Variants in CPNE4 observed in about 807,000 individuals in gnomAD.
CPNE4 encodes the protein copine 4.
A neutral mutation model predicts 67.9 loss-of-function variants in CPNE4; 25 were observed. That is an observed-to-expected ratio of 0.37 (90% CI 0.27 to 0.51). The LOEUF (loss-of-function observed/expected upper bound fraction) is 0.51, where lower values mean the gene tolerates loss of function less well. Ranked by LOEUF, CPNE4 falls within the 20% of genes least tolerant of loss-of-function variation. The pLI is 0.93. For synonymous variants in CPNE4, 242 were observed against 244.9 expected (o/e 0.99, Z 0.11); for missense variants, 464 against 690.8 (o/e 0.67, Z 3.68).
chr3:131,862,717 T>TATA (rs2086740961), intron 2 of CPNE4, among the ~76,000 whole-genome samples: 2 of 134,788 alleles, frequency 1.5e-5, no homozygotes, highest in Non-Finnish European at 3.3e-5. Flanking sequence ...ATATATATAT[T>TATA]TTTATTATAC....
intron 15 of CPNE4, among the ~76,000 whole-genome samples, chr3:131,542,058 G>A (rs1214515232): frequency 6.6e-6 from 1 of 152,146 alleles, no homozygotes; most frequent in Admixed American, 6.5e-5. Context: ...TTTTATAGAG[G>A]ATTTAGGTTT....
At chr3:132,032,486 T>C (rs2107704849) in intron 1 of CPNE4, among the ~76,000 whole-genome samples, 1 of 152,374 alleles carries the variant, frequency 6.6e-6, no homozygotes, top group East Asian at 1.9e-4. Context: ...GTAATGTTAA[T>C]GGAAAAGTCA....
chr3:131,565,719 C>T (rs567250757), intron 10 of CPNE4, among the ~76,000 whole-genome samples: 24 of 150,130 alleles, frequency 1.6e-4, no homozygotes, highest in South Asian at 4.2e-4. Context: ...CAAAGAACTA[C>T]GTCAAAAATA....
At chr3:131,758,384 G>T (rs1485637285) in intron 2 of CPNE4, among the ~76,000 whole-genome samples, 4 of 152,150 alleles carry the variant, frequency 2.6e-5, no homozygotes, top group African/African-American at 9.7e-5. Context: ...CTGGTTTTTA[G>T]ACTTGCATGG....
chr3:131,932,099 G>C (rs1046411802), intron 1 of CPNE4, among the ~76,000 whole-genome samples: 1 of 152,186 alleles, frequency 6.6e-6, no homozygotes, highest in African/African-American at 2.4e-5. Flanking sequence ...GTGGCTAGCT[G>C]TGAATATCAG....
At chr3:131,634,646 C>T (rs182770677) in intron 7 of CPNE4, among the ~76,000 whole-genome samples, 2 of 152,138 alleles carry the variant, frequency 1.3e-5, no homozygotes, top group African/African-American at 4.8e-5. Context: ...CTTCAATATT[C>T]TCATTCTTGA....
At chr3:131,845,055 G>A (rs185146535) in intron 2 of CPNE4, among the ~76,000 whole-genome samples, 1 of 152,160 alleles carries the variant, frequency 6.6e-6, no homozygotes, top group Non-Finnish European at 1.5e-5. Flanking sequence ...GAGAGAAAAC[G>A]ATGACTTGTG....
At chr3:131,958,354 A>C (rs2072039774) in intron 1 of CPNE4, among the ~76,000 whole-genome samples, 2 of 152,126 alleles carry the variant, frequency 1.3e-5, no homozygotes, top group Admixed American at 1.3e-4. Flanking sequence ...CAATGGTCTC[A>C]GTGTGGTCCT....
chr3:131,847,914 T>C (rs2086066255), intron 2 of CPNE4, among the ~76,000 whole-genome samples: 2 of 152,142 alleles, frequency 1.3e-5, no homozygotes, highest in African/African-American at 2.4e-5. Context: ...AGTAGGTCTC[T>C]GACCTCAGTG....
chr3:131,683,892 G>A (rs943396420), intron 6 of CPNE4, among the ~76,000 whole-genome samples: 10 of 152,108 alleles, frequency 6.6e-5, no homozygotes, highest in African/African-American at 1.9e-4. Flanking sequence ...CTCCATGGGC[G>A]CAGGATGAGT....
intron 2 of CPNE4, among the ~76,000 whole-genome samples, chr3:131,861,138 A>T (rs1006645370): frequency 6.6e-6 from 1 of 152,224 alleles, no homozygotes; most frequent in Non-Finnish European, 1.5e-5. Flanking sequence ...TGGAGTCAGT[A>T]GTGATTGTCA....
Position 131,664,772 on chromosome 3 carries a change from T to G in CPNE4, c.681+4903A>C, listed in dbSNP as rs1382338603. Among the ~76,000 whole-genome samples, 3 of 152,286 alleles carry G rather than the reference T, an allele frequency of 2.0e-5. No individual in the cohort carries two copies. The East Asian group carries it at 5.8e-4, about 29-fold the overall frequency. On this transcript the variant is annotated intron_variant, in intron 7 of 15. Transcript: ENST00000429747. The stretch of plus-strand genomic sequence containing the variant: ...ACAATGTGGTTAGAAGTAAATGAAA[T>G]TATGATATTTATAAGGGCCTTATAA...
chr3:131,835,783 A>G (rs570772038), intron 2 of CPNE4, among the ~76,000 whole-genome samples: 13 of 152,194 alleles, frequency 8.5e-5, no homozygotes, highest in African/African-American at 3.1e-4. Flanking sequence ...CTGAGGTGGC[A>G]CATGTCAATG....
At chr3:131,950,609 G>C (rs1415683678) in intron 1 of CPNE4, among the ~76,000 whole-genome samples, 2 of 152,172 alleles carry the variant, frequency 1.3e-5, no homozygotes, top group African/African-American at 2.4e-5. Flanking sequence ...ATATTAATTT[G>C]AGGGTTACAG....
chr3:131,882,317 C>G (rs1275192653), intron 2 of CPNE4, among the ~76,000 whole-genome samples: 1 of 151,992 alleles, frequency 6.6e-6, no homozygotes, highest in Non-Finnish European at 1.5e-5. Context: ...GATACAAATG[C>G]AATTAGAATC....
At chr3:131,625,517 C>A (rs73001207) in intron 7 of CPNE4, among the ~76,000 whole-genome samples, 41,902 of 151,864 alleles carry the variant, frequency 0.28, 9,528 homozygotes, top group African/African-American at 0.63. Flanking sequence ...CTATGCAGAA[C>A]GGGACAGTAA....
chr3:131,656,493 C>T (rs16837371), intron 7 of CPNE4, among the ~76,000 whole-genome samples: 13,682 of 152,136 alleles, frequency 0.09, 1,343 homozygotes, highest in African/African-American at 0.24. Context: ...ACAATGTCAT[C>T]AATGGTATCG....
At chr3:131,734,917 T>C (rs1290306078) in intron 2 of CPNE4, among the ~76,000 whole-genome samples, 2 of 151,794 alleles carry the variant, frequency 1.3e-5, no homozygotes, top group Non-Finnish European at 2.9e-5. Flanking sequence ...AAAAAGACAC[T>C]CTCAAATTTC....
At chr3:131,911,081 C>A (rs992599110) in intron 1 of CPNE4, among the ~76,000 whole-genome samples, 5 of 152,034 alleles carry the variant, frequency 3.3e-5, no homozygotes, top group African/African-American at 1.2e-4. Context: ...TGCTTTTAAC[C>A]AATAAAATAT....
Sources: gnomAD v4.1 joint callset for allele counts (sites outside exome capture counted in the v4.1 genomes callset) on GRCh38, gnomAD v4.1.1 for gene constraint, MANE v1.5 for transcripts, NCBI Gene and HGNC (gene_info 2026-07-23, HGNC 2026-07-21) for gene names.